KCNH8: variants seen among roughly 807,000 people sequenced by gnomAD.
KCNH8 encodes voltage-gated delayed rectifier potassium channel KCNH8.
In KCNH8, 70 loss-of-function variants were observed where a neutral mutation model predicts 103.6. That is an observed-to-expected ratio of 0.68 (90% confidence interval 0.56 to 0.82). KCNH8 has a LOEUF of 0.82. KCNH8 is among the 40% of genes least tolerant of loss of function. The pLI, the probability that KCNH8 is intolerant of heterozygous loss-of-function variation, is 0.00. For missense variants in KCNH8, 1,217 were observed against 1,329.9 expected (o/e 0.92, Z 1.32); for synonymous variants, 498 against 489.4 (o/e 1.02, Z -0.23).
At chr3:19,340,360 T>A (rs75128944) in intron 3 of KCNH8, among the ~76,000 whole-genome samples, 13 of 83,534 alleles carry the variant, frequency 1.6e-4, no homozygotes, top group Non-Finnish European at 3.3e-4. Context: ...TTTTTTAATT[T>A]TTTTTTTTTT....
intron 3 of KCNH8, among the ~76,000 whole-genome samples, chr3:19,290,621 T>C (rs1000811822): frequency 6.6e-5 from 10 of 152,200 alleles, no homozygotes; most frequent in African/African-American, 2.4e-4. Flanking sequence ...TGGATAACGT[T>C]TTTGATGTGC....
At chr3:19,391,751 C>T (rs2066440912) in intron 6 of KCNH8, 1 of 151,828 alleles carries the variant, frequency 6.6e-6, no homozygotes, top group Non-Finnish European at 1.5e-5. Flanking sequence ...AAGGAAAGCT[C>T]CCAGGAAAAA....
At chr3:19,231,451 T>C (rs984782577) in intron 1 of KCNH8, among the ~76,000 whole-genome samples, 2 of 152,178 alleles carry the variant, frequency 1.3e-5, no homozygotes. Context: ...TTTTTTTACA[T>C]TTACATTTTA....
At chr3:19,189,801 C>G (rs1245273210) in intron 1 of KCNH8, among the ~76,000 whole-genome samples, 1 of 151,942 alleles carries the variant, frequency 6.6e-6, no homozygotes, top group East Asian at 1.9e-4. Flanking sequence ...TGTGTGCAAA[C>G]TGAAAACAGC....
intron 5 of KCNH8, among the ~76,000 whole-genome samples, chr3:19,372,893 ATT>A (rs1324351083): frequency 1.3e-5 from 2 of 151,810 alleles, no homozygotes; most frequent in African/African-American, 4.8e-5. Context: ...TCTTTGGCTC[ATT>A]TATATGCTGG....
intron 7 of KCNH8, among the ~76,000 whole-genome samples, chr3:19,432,337 A>C (rs1479271942): frequency 6.6e-6 from 1 of 152,170 alleles, no homozygotes; most frequent in Non-Finnish European, 1.5e-5. Flanking sequence ...GAAACTACCA[A>C]AAACAGTTGA....
intron 8 of KCNH8, among the ~76,000 whole-genome samples, chr3:19,440,172 C>T (rs2067260729): frequency 6.6e-6 from 1 of 152,022 alleles, no homozygotes; most frequent in South Asian, 2.1e-4. Flanking sequence ...GAAGACTTTT[C>T]ACTATATAGC....
At chr3:19,489,607 C>A (rs1454054193) in intron 11 of KCNH8, among the ~76,000 whole-genome samples, 1 of 152,060 alleles carries the variant, frequency 6.6e-6, no homozygotes, top group Non-Finnish European at 1.5e-5. Context: ...TGTCATAACT[C>A]CATAGTCTCC....
At chr3:19,529,023 G>C (rs1435076896) in intron 15 of KCNH8, among the ~76,000 whole-genome samples, 1 of 152,118 alleles carries the variant, frequency 6.6e-6, no homozygotes, top group Non-Finnish European at 1.5e-5. Context: ...GACAGAGAAG[G>C]GCAGAGGAGA....
chr3:19,244,071 T>C (rs1184105827), intron 1 of KCNH8, among the ~76,000 whole-genome samples: 1 of 152,178 alleles, frequency 6.6e-6, no homozygotes, highest in Non-Finnish European at 1.5e-5. Context: ...AAAGAAGTTT[T>C]TTAAAAGGTA....
At chr3:19,389,881 C>T (rs1344614997) in intron 5 of KCNH8, among the ~76,000 whole-genome samples, 4 of 152,026 alleles carry the variant, frequency 2.6e-5, no homozygotes, top group Admixed American at 1.3e-4. Context: ...TCTTTTGCTT[C>T]GTCCTTCCAA....
At chr3:19,334,256 TTTTA>T (rs1228887326) in intron 3 of KCNH8, among the ~76,000 whole-genome samples, 17 of 152,276 alleles carry the variant, frequency 1.1e-4, no homozygotes, top group African/African-American at 3.6e-4. Flanking sequence ...GACTCCAGGC[TTTTA>T]GTCCTGAGCA....
At chr3:19,185,602 C>G (rs900039795) in intron 1 of KCNH8, among the ~76,000 whole-genome samples, 3 of 151,818 alleles carry the variant, frequency 2.0e-5, no homozygotes, top group African/African-American at 7.2e-5. Flanking sequence ...TGTTTCATAT[C>G]TCTCACATGA....
At chr3:19,328,118 G>A (rs761193856) in intron 3 of KCNH8, among the ~76,000 whole-genome samples, 5 of 151,876 alleles carry the variant, frequency 3.3e-5, no homozygotes, top group South Asian at 2.1e-4. Flanking sequence ...CATATTTGTC[G>A]TAAACTTACT....
At chr3:19,438,122 T>C (rs918470536) in intron 7 of KCNH8, 42 bp from the exon 8 acceptor site, 1 of 1,505,790 alleles carries the variant, frequency 6.6e-7, no homozygotes, top group Admixed American at 1.7e-5. Context: ...TACTGAGACT[T>C]TACTTTTTCT....
chr3:19,501,263 G>A (rs1299952707), intron 11 of KCNH8, among the ~76,000 whole-genome samples: 2 of 152,028 alleles, frequency 1.3e-5, no homozygotes, highest in East Asian at 3.9e-4. Context: ...AATAACAGGA[G>A]CTGAAATTGT....
At chr3:19,172,743 A>C (rs1443423913) in intron 1 of KCNH8, among the ~76,000 whole-genome samples, 1 of 152,236 alleles carries the variant, frequency 6.6e-6, no homozygotes, top group Non-Finnish European at 1.5e-5. Flanking sequence ...AACAAGTAGC[A>C]GAGTCATGGT....
chr3:19,524,182 G>A (rs762130974), intron 15 of KCNH8, among the ~76,000 whole-genome samples: 3 of 151,840 alleles, frequency 2.0e-5, no homozygotes, highest in Non-Finnish European at 2.9e-5. Flanking sequence ...ATTGACAATT[G>A]AGTCAACTGA....
At chr3:19,304,000 A>G (rs1288829176) in intron 3 of KCNH8, among the ~76,000 whole-genome samples, 1 of 152,158 alleles carries the variant, frequency 6.6e-6, no homozygotes, top group East Asian at 1.9e-4. Flanking sequence ...GGTAAAATAG[A>G]AAGTCTCTGG....
Sources: gnomAD v4.1 joint callset for allele counts (sites outside exome capture counted in the v4.1 genomes callset) on GRCh38, gnomAD v4.1.1 for gene constraint, MANE v1.5 for transcripts, NCBI Gene and HGNC (gene_info 2026-07-23, HGNC 2026-07-21) for gene names.